SLC25A47: variants seen among roughly 807,000 people sequenced by gnomAD.
SLC25A47 encodes HCC-down-regulated mitochondrial carrier protein.
In SLC25A47, 30 loss-of-function variants were observed where a neutral mutation model predicts 29.8. The ratio of observed to expected loss-of-function variants is 1.01; its 90% CI spans 0.75 to 1.36. The LOEUF is 1.36. Among genes scored for constraint, SLC25A47 ranks in the 40% most tolerant of loss-of-function variants. The pLI is 0.00. For synonymous variants in SLC25A47, 204 were observed against 197.8 expected, an observed-to-expected ratio of 1.03 and a Z score of -0.26; for missense variants, 430 against 441.9, an observed-to-expected ratio of 0.97 and a Z score of 0.24.
chr14:100,328,848 GC>G lies in SLC25A47; in HGVS notation c.455del (p.Pro152GlnfsTer18), dbSNP rs1266430404. On this transcript the variant is annotated frameshift_variant, in exon 5 of 6. Transcript: ENST00000361529. LOFTEE classifies it high-confidence loss of function. ...TGGCTGTGCCCCCCATGTGTCCTGT[GC>G]CCCCAGCCTGCCCAGAGCCCAAGTA... ...PLAVPPMCPV[P>X]PACPEPKYRG... The G allele has an allele frequency of 1.2e-6, 2 of 1,612,282 alleles. No homozygotes were observed. The highest frequency in any genetic ancestry group is 2.7e-5 in the African/African-American group (2 of 74,936).
chr14:100,328,824 G>GGCTGTGCCCCCCATGTGT lies in SLC25A47; in HGVS notation c.427_444dup (p.Ala143_Cys148dup). On this transcript the variant is annotated inframe_insertion, in exon 5 of 6. Coordinates refer to ENST00000361529, the MANE Select transcript of SLC25A47 (RefSeq NM_207117.4). ...GGCGGCTTTCGGCCTCGGGGCCGTTGGCTGTGCCCCCCATGTGTCCTGTGC... is the reference window on the plus strand; with the variant it reads ...GGCGGCTTTCGGCCTCGGGGCCGTTGGCTGTGCCCCCCATGTGTGCTGTGCCCCCCATGTGTCCTGTGC... 1 of 1,612,702 alleles carries GGCTGTGCCCCCCATGTGT rather than the reference G, an allele frequency of 6.2e-7. No homozygotes were observed. Among genetic ancestry groups the GGCTGTGCCCCCCATGTGT allele is most frequent in the Non-Finnish European group, 8.5e-7 (1 of 1,179,828 alleles).
intron 3 of SLC25A47, among the ~76,000 whole-genome samples, chr14:100,326,949 G>C (rs1326316288): frequency 6.6e-6 from 1 of 151,816 alleles, no homozygotes; most frequent in Non-Finnish European, 1.5e-5. Context: ...ACTCCAGCCT[G>C]GGCAAAAAAA....
chr14:100,325,656 C>G, intron 1 of SLC25A47, 132 bp from the exon 2 acceptor site: 1 of 862,568 alleles, frequency 1.2e-6, no homozygotes. Context: ...TGGTGCAGAC[C>G]AGAAGGGCCA....
intron 1 of SLC25A47, among the ~76,000 whole-genome samples, chr14:100,324,312 C>T (rs1312344053): frequency 6.6e-6 from 1 of 152,132 alleles, no homozygotes. Context: ...GCAACCTCTG[C>T]CTCCTGGGTT....
chr14:100,325,579 T>G (rs569571476), intron 1 of SLC25A47, among the ~76,000 whole-genome samples: 1 of 152,260 alleles, frequency 6.6e-6, no homozygotes, highest in African/African-American at 2.4e-5. Context: ...TTGCAAAGGG[T>G]AGAAGACACT....
At chr14:100,323,470 G>C (rs759122503) in intron 1 of SLC25A47, 28 bp downstream of exon 1, 4 of 1,613,352 alleles carry the variant, frequency 2.5e-6, no homozygotes, top group Non-Finnish European at 3.4e-6. Context: ...GGGCTGTGCA[G>C]ACACTGCTGC....
rs147994415 is a variant in SLC25A47 at position 100,327,352 on chromosome 14, C to T, written c.309C>T (p.Cys103=). ...AGGCCGACATCACGCTCTCGGGATG[C>T]GCCTCCGGCCTCGTCCGCGTGAGTA... ...PTKADITLSG[C]ASGLVRVFLT... The change falls in exon 4 of 6, where the codon TGC becomes TGT. Residue 103 remains cysteine, a synonymous_variant. Transcript: ENST00000361529. The T allele has an allele frequency of 1.1e-5, 17 of 1,597,764 alleles. No homozygotes were observed. The highest frequency in any genetic ancestry group is 8.9e-5 in the East Asian group (4 of 44,836).
In SLC25A47 at chr14:100,328,683, C is replaced by G. The variant is rs774883806; in HGVS notation, c.328-43C>G. The G allele has an allele frequency of 6.9e-6, 11 of 1,589,342 alleles. No homozygotes were observed. In the South Asian group the frequency reaches 1.1e-4, roughly 16 times the overall value. ...TGGGAGGCCAGGTCCAGGCTGTGGGCAGAGCCACAGGTGGCTGACCCCTGC... is the reference window on the plus strand; with the variant it reads ...TGGGAGGCCAGGTCCAGGCTGTGGGGAGAGCCACAGGTGGCTGACCCCTGC... On this transcript the variant is annotated intron_variant, in intron 4 of 5. Transcript: ENST00000361529.
intron 1 of SLC25A47, among the ~76,000 whole-genome samples, chr14:100,323,758 G>A (rs915141765): frequency 3.3e-5 from 5 of 152,088 alleles, no homozygotes; most frequent in Non-Finnish European, 7.4e-5. Flanking sequence ...TGTGGGGAGG[G>A]GTGATTGAGT....
intron 1 of SLC25A47, among the ~76,000 whole-genome samples, chr14:100,325,146 C>T (rs1322507179): frequency 6.6e-6 from 1 of 152,214 alleles, no homozygotes; most frequent in Non-Finnish European, 1.5e-5. Flanking sequence ...CTCTGACTTC[C>T]CTGTGGCAGT....
chr14:100,325,706 C>CTCTGCT, intron 1 of SLC25A47, 82 bp from the exon 2 acceptor site: 1 of 1,462,822 alleles, frequency 6.8e-7, no homozygotes, highest in Non-Finnish European at 9.4e-7. Context: ...TCAGCGTGCG[C>CTCTGCT]TCTGCTTCTG....
At chr14:100,328,693 G>GGT in intron 4 of SLC25A47, 33 bp from the exon 5 acceptor site, 1 of 1,606,598 alleles carries the variant, frequency 6.2e-7, no homozygotes, top group Non-Finnish European at 8.5e-7. Context: ...CAGAGCCACA[G>GGT]GTGGCTGACC....
At chr14:100,326,077 G>T in intron 2 of SLC25A47, 80 bp from the exon 3 acceptor site, 1 of 1,263,138 alleles carries the variant, frequency 7.9e-7, no homozygotes, top group South Asian at 1.3e-5. Context: ...TCAAGAGTGT[G>T]ACTCTGCCCC....
intron 4 of SLC25A47, among the ~76,000 whole-genome samples, chr14:100,327,740 T>C (rs1787608706): frequency 6.6e-6 from 1 of 152,250 alleles, no homozygotes. Context: ...AGTCGGCCAT[T>C]GCTGGATGTG....
At chr14:100,326,888 C>T (rs918163733) in intron 3 of SLC25A47, among the ~76,000 whole-genome samples, 2 of 152,056 alleles carry the variant, frequency 1.3e-5, no homozygotes, top group Non-Finnish European at 1.5e-5. Flanking sequence ...GCAGGAGAAT[C>T]GCTTGAACCT....
rs33989395 is a variant in SLC25A47, at chr14:100,328,112, AT to A, written c.328-597del. 2.6e-3 allele frequency among the ~76,000 whole-genome samples: 366 copies of A among 140,870 alleles called. 1 individual carries two copies. The highest frequency in any genetic ancestry group is 8.4e-3 in the African/African-American group (318 of 38,038). The allele number at this position is 140,870 out of a possible 152,430, so 92.4% of individuals were successfully genotyped here. A position where few individuals can be genotyped will look rare whatever the true frequency, so the allele number is the denominator to read the frequency against. ...AAAGTGGCAGCCAGTATGTCTAGTG[AT>A]TTTTTTTTTTTTTTTTGAGACAGAG... On this transcript the variant is annotated intron_variant, in intron 4 of 5. Transcript: ENST00000361529.
rs111666000 is a variant in SLC25A47, at chr14:100,329,787, C to T, written c.*142C>T. 4.6e-4 allele frequency: 542 copies of T among 1,172,468 alleles called. 4 individuals are homozygous for T. The East Asian group carries it at 6.2e-3, about 13-fold the overall frequency. The allele number at this position is 1,172,468 out of a possible 1,614,324, so 72.6% of individuals were successfully genotyped here. A position where few individuals can be genotyped will look rare whatever the true frequency, so the allele number is the denominator to read the frequency against. On this transcript the variant is annotated 3_prime_UTR_variant, in exon 6 of 6. Transcript: ENST00000361529. ...ATGAGGAGCCTCCCTGCAGTGTTGT[C>T]GGCCGAGGCCTGAGCTCGCCCTGCC...
rs369918142 is a variant in SLC25A47, at chr14:100,327,346, G to A, written c.303G>A (p.Ser101=). 29 of 1,599,780 alleles carry A rather than the reference G, an allele frequency of 1.8e-5. No individual in the cohort carries two copies. In the African/African-American group the frequency reaches 2.4e-4, roughly 13 times the overall value. The change falls in exon 4 of 6, where the codon TCG becomes TCA. Residue 101 remains serine, a synonymous_variant. Coordinates refer to ENST00000361529, the MANE Select transcript of SLC25A47 (RefSeq NM_207117.4). ...CCACCAAGGCCGACATCACGCTCTC[G>A]GGATGCGCCTCCGGCCTCGTCCGCG... is the stretch of plus-strand genomic sequence containing the variant. The part of the protein sequence containing the change: ...AKPTKADITL[S]GCASGLVRVF...
intron 2 of SLC25A47, 120 bp from the exon 3 acceptor site, chr14:100,326,037 C>A: frequency 9.9e-7 from 1 of 1,008,192 alleles, no homozygotes; most frequent in South Asian, 1.5e-5. Context: ...CCTGTCCCTG[C>A]TGTGCCACCG....
Sources: gnomAD v4.1 joint callset for allele counts (sites outside exome capture counted in the v4.1 genomes callset) on GRCh38, gnomAD v4.1.1 for gene constraint, MANE v1.5 for transcripts, NCBI Gene and HGNC (gene_info 2026-07-23, HGNC 2026-07-21) for gene names.